The following SUPT16H variants were observed in gnomAD, a reference collection of about 807,000 sequenced individuals.
SUPT16H encodes the protein SPT16 homolog, facilitates chromatin remodeling subunit.
Under a neutral mutation model 136.2 loss-of-function variants are expected in SUPT16H, and 24 were observed. The observed-to-expected ratio is 0.18, with a 90% CI of 0.13 to 0.25. The LOEUF (loss-of-function observed/expected upper bound fraction) is 0.25, where lower values mean the gene tolerates loss of function less well. SUPT16H is among the 10% of genes least tolerant of loss of function. SUPT16H has a pLI of 1.00. For missense variants in SUPT16H, 623 were observed against 1,270.2 expected (o/e 0.49, Z 7.74); for synonymous variants, 415 against 428.2 (o/e 0.97, Z 0.38).
intron 5 of SUPT16H, 194 bp from the exon 6 acceptor site, chr14:21,369,549 T>A: frequency 1.0e-6 from 1 of 966,208 alleles, no homozygotes; most frequent in South Asian, 1.7e-5. Flanking sequence ...ATTCCTATGA[T>A]TCTCAAGTAA....
At chr14:21,363,642 C>G (rs1278135873) in intron 10 of SUPT16H, 139 bp from the exon 11 acceptor site, 1 of 700,612 alleles carries the variant, frequency 1.4e-6, no homozygotes, top group East Asian at 2.7e-5. Flanking sequence ...TTTTATCCTT[C>G]TAACCTCTAA....
chr14:21,360,377 G>A (rs1326376617), intron 18 of SUPT16H, 38 bp downstream of exon 18: 2 of 1,454,702 alleles, frequency 1.4e-6, no homozygotes, highest in South Asian at 1.2e-5. Flanking sequence ...GAAGTGTCTT[G>A]CCCAAGAGCT....
Position 21,369,885 on chromosome 14 carries a change from A to G in SUPT16H, c.495T>C (p.Ser165=), listed in dbSNP as rs1455793991. The change falls in exon 5 of 26, where the codon AGT becomes AGC. Residue 165 remains serine, a synonymous_variant. Coordinates refer to ENST00000216297, the MANE Select transcript of SUPT16H (RefSeq NM_007192.4). ...CAGCGATGGTATATGCCACAACTGCACTGATATCTATCTGCAGTCAAAGTG... is the reference window on the plus strand; with the variant it reads ...CAGCGATGGTATATGCCACAACTGCGCTGATATCTATCTGCAGTCAAAGTG... ...NKEGFDKIDI[S]AVVAYTIAVK... 1.2e-6 allele frequency: 2 copies of G among 1,614,040 alleles called. No homozygotes were observed. The highest frequency in any genetic ancestry group is 1.7e-6 in the Non-Finnish European group (2 of 1,179,972).
At chr14:21,359,785 G>A (rs1886511838) in intron 18 of SUPT16H, among the ~76,000 whole-genome samples, 176 bp from the exon 19 acceptor site, 1 of 152,192 alleles carries the variant, frequency 6.6e-6, no homozygotes, top group Non-Finnish European at 1.5e-5. Context: ...ATTTGAAAAA[G>A]TGCTGTGCTC....
chr14:21,365,106 C>T lies in SUPT16H; in HGVS notation c.1084G>A (p.Val362Ile). ...MGIEFREGSL[V>I]INSKNQYKLK... ...TTGTATTGATTTTTGCTATTGATTACTAGGGAGCCTTCACGGAATTCAATT... is the reference window on the plus strand; with the variant it reads ...TTGTATTGATTTTTGCTATTGATTATTAGGGAGCCTTCACGGAATTCAATT... Residue 362 changes from valine (V) to isoleucine (I), a missense_variant, in exon 9 of 26, where the codon GTA (valine) becomes ATA (isoleucine). Around this residue, in one of 7 missense-constraint regions of SUPT16H, gnomAD observed 343 missense variants for 525.7 expected, o/e 0.65. Transcript: ENST00000216297. 6.2e-7 allele frequency: 1 copy of T among 1,613,824 alleles called. No individual in the cohort carries two copies. Among genetic ancestry groups the T allele is most frequent in the Admixed American group, 1.7e-5 (1 of 59,984 alleles).
At chr14:21,359,351 C>T in intron 19 of SUPT16H, 133 bp downstream of exon 19, 2 of 1,301,364 alleles carry the variant, frequency 1.5e-6, no homozygotes, top group East Asian at 2.4e-5. Flanking sequence ...CCATGTTGGC[C>T]TCCCAAAGTG....
rs1271136364 is a variant in SUPT16H at position 21,363,647 on chromosome 14, C to T, written c.1234-144G>A. 1.0e-5 allele frequency: 7 copies of T among 702,392 alleles called. No homozygotes were observed. The Admixed American group carries it at 1.2e-4, about 12-fold the overall frequency. The allele number at this position is 702,392 out of a possible 1,614,324, so 43.5% of individuals were successfully genotyped here. ...TAAATATAGTTTTTATCCTTCTAACCTCTAACCTCTCGTCAGGAGCTACAA... is the reference window on the plus strand; with the variant it reads ...TAAATATAGTTTTTATCCTTCTAACTTCTAACCTCTCGTCAGGAGCTACAA... On this transcript the variant is annotated intron_variant, in intron 10 of 25. Coordinates refer to ENST00000216297, the MANE Select transcript of SUPT16H (RefSeq NM_007192.4).
At position 21,358,102 on chromosome 14, in the gene SUPT16H, G is replaced by C. The variant is rs1052070250; in HGVS notation, c.2415-100C>G. On this transcript the variant is annotated intron_variant, in intron 20 of 25. Coordinates refer to ENST00000216297, the MANE Select transcript of SUPT16H (RefSeq NM_007192.4). Reference sequence around the variant, plus strand: ...CCTCTCCCCATTCCAAACAGCTCCAGCATACTCACTGGAGACTCATCCAGA... The same window carrying C: ...CCTCTCCCCATTCCAAACAGCTCCACCATACTCACTGGAGACTCATCCAGA... 4 of 1,109,992 alleles carry C rather than the reference G, an allele frequency of 3.6e-6. No individual in the cohort carries two copies. The African/African-American group carries it at 6.3e-5, about 17-fold the overall frequency. 68.8% of individuals were successfully genotyped at this position (1,109,992 alleles called of 1,614,324 possible).
intron 1 of SUPT16H, chr14:21,382,852 A>G: frequency 6.6e-6 from 1 of 152,236 alleles, no homozygotes. Context: ...TGAAACATGC[A>G]CAGACAGCTT....
At position 21,369,314 on chromosome 14, in the gene SUPT16H, G is replaced by T. The variant is rs1271878818; in HGVS notation, c.672C>A (p.Ala224=). 6.2e-7 allele frequency: 1 copy of T among 1,614,124 alleles called. No homozygotes were observed. The highest frequency in any genetic ancestry group is 1.3e-5 in the African/African-American group (1 of 75,030). ...CAGCAAGGTATTTTTTCTCTTCAAT[G>T]GCCTTTTCCACAGACTCAGCCAGTT... The part of the protein sequence containing the change: ...HSKLAESVEK[A]IEEKKYLAGA... Residue 224 remains alanine (A), a synonymous_variant, in exon 6 of 26, where the codon GCC becomes GCA. Transcript: ENST00000216297.
intron 17 of SUPT16H, 68 bp downstream of exon 17, chr14:21,360,778 T>A: frequency 6.4e-7 from 1 of 1,557,258 alleles, no homozygotes; most frequent in South Asian, 1.2e-5. Flanking sequence ...TATTTTATTA[T>A]CTGATCTGTC....
chr14:21,377,815 G>T (rs1358531251), intron 1 of SUPT16H, among the ~76,000 whole-genome samples: 1 of 152,114 alleles, frequency 6.6e-6, no homozygotes, highest in Non-Finnish European at 1.5e-5. Flanking sequence ...GTAGAGATGG[G>T]GTTTCGCCAT....
At position 21,368,441 on chromosome 14, in the gene SUPT16H, A is replaced by G; in HGVS notation, c.783T>C (p.Ser261=). ...CCCCAAAGTGCATATGATTCTTGTC[A>G]CTAGAGACCAACAAAGAAAGAAAAC... is the stretch of plus-strand genomic sequence containing the variant. The part of the protein sequence containing the change: ...GNYNLKFSVV[S]DKNHMHFGAI... Residue 261 remains serine (S), a splice_region_variant and synonymous_variant, in exon 7 of 26, where the codon AGT becomes AGC. Coordinates refer to ENST00000216297, the MANE Select transcript of SUPT16H (RefSeq NM_007192.4). 1 of 1,591,750 alleles carries G rather than the reference A, an allele frequency of 6.3e-7. No individual in the cohort carries two copies. Among genetic ancestry groups the G allele is most frequent in the Non-Finnish European group, 8.5e-7 (1 of 1,170,064 alleles).
At position 21,371,855 on chromosome 14, in the gene SUPT16H, A is replaced by G; in HGVS notation, c.330+19T>C. 6.2e-6 allele frequency: 10 copies of G among 1,611,778 alleles called. No homozygotes were observed. Among genetic ancestry groups the G allele is most frequent in the Non-Finnish European group, 8.5e-6 (10 of 1,179,404 alleles). ...GAAGATTCTTCCACATTTATGACAC[A>G]TTCTTTATTAATCCTGACCTTTTCT... On this transcript the variant is annotated intron_variant, in intron 3 of 25. Transcript: ENST00000216297.
rs141099957 is a variant in SUPT16H at position 21,371,984 on chromosome 14, T to C, written c.220A>G (p.Ile74Val). 258 of 1,613,998 alleles carry C rather than the reference T, an allele frequency of 1.6e-4. 1 individual carries two copies. The highest frequency in any genetic ancestry group is 2.2e-4 in the Non-Finnish European group (254 of 1,180,028). Residue 74 changes from isoleucine (I) to valine (V), a missense_variant, in exon 3 of 26, where the codon ATC (isoleucine) becomes GTC (valine). Ile to Val is a conservative substitution (Grantham distance 29). This residue lies in a region of SUPT16H where 343 missense variants were observed against 525.7 expected (regional missense o/e 0.65). Coordinates refer to ENST00000216297, the MANE Select transcript of SUPT16H (RefSeq NM_007192.4). ...ACTTTTTTCTTGCTGGCCATAAAGATGATTTTGTCATCACAAAAGACCATG... is the reference window on the plus strand; with the variant it reads ...ACTTTTTTCTTGCTGGCCATAAAGACGATTTTGTCATCACAAAAGACCATG... ...TIMVFCDDKIIFMASKKKVEF... is the reference protein window; with the variant it reads ...TIMVFCDDKIVFMASKKKVEF...
chr14:21,364,291 C>T (rs1886618962), intron 10 of SUPT16H, among the ~76,000 whole-genome samples: 1 of 152,030 alleles, frequency 6.6e-6, no homozygotes, highest in African/African-American at 2.4e-5. Flanking sequence ...TTTACATCAA[C>T]TGCTCAGATA....
Position 21,369,058 on chromosome 14 carries a change from G to C in SUPT16H, c.782+146C>G, listed in dbSNP as rs1886732987. On this transcript the variant is annotated intron_variant, in intron 6 of 25. Coordinates refer to ENST00000216297, the MANE Select transcript of SUPT16H (RefSeq NM_007192.4). ...AAAAATGTATTGCACCTGGGTGATG[G>C]ACACCCAAGATAATGACTTGGTAAC... 4 of 826,964 alleles carry C rather than the reference G, an allele frequency of 4.8e-6. No homozygotes were observed. In the South Asian group the frequency reaches 8.9e-5, roughly 18 times the overall value. 51.2% of individuals were successfully genotyped at this position (826,964 alleles called of 1,614,324 possible).
In SUPT16H at chr14:21,363,437, C is replaced by G; in HGVS notation, c.1299+1G>C. The stretch of plus-strand genomic sequence containing the variant: ...ATACTACTTATCTATCTTCTTCCTA[C>G]CTTTAGGAAAATCCCCACATTCTTC... On this transcript the variant is annotated splice_donor_variant, in intron 11 of 25. Transcript: ENST00000216297. LOFTEE classifies it high-confidence loss of function. 6.2e-7 allele frequency: 1 copy of G among 1,613,700 alleles called. No homozygotes were observed.
intron 25 of SUPT16H, 71 bp from the exon 26 acceptor site, chr14:21,352,889 GAT>G: frequency 6.3e-7 from 1 of 1,597,868 alleles, no homozygotes; most frequent in South Asian, 1.1e-5. Context: ...GATAGCATGA[GAT>G]AGTACAGAGA....
Sources: allele counts gnomAD v4.1 joint callset (sites outside exome capture counted in the v4.1 genomes callset), GRCh38; gene constraint gnomAD v4.1.1; regional missense constraint gnomAD v4.1.1; transcripts MANE v1.5; gene names NCBI Gene and HGNC (gene_info 2026-07-23, HGNC 2026-07-21).